Variants in MPP7 observed in about 807,000 individuals in gnomAD.
MPP7 encodes MAGUK p55 scaffold protein 7.
In MPP7, 60 loss-of-function variants were observed where a neutral mutation model predicts 76.5. That is an observed-to-expected ratio of 0.78 (90% CI 0.64 to 0.97). The LOEUF (loss-of-function observed/expected upper bound fraction) is 0.97, where lower values mean the gene tolerates loss of function less well. MPP7 is among the 50% of genes least tolerant of loss of function. The pLI is 0.00. For synonymous variants in MPP7, 237 were observed against 244.5 expected, an observed-to-expected ratio of 0.97 and a Z score of 0.29; for missense variants, 641 against 694.0, an observed-to-expected ratio of 0.92 and a Z score of 0.86.
chr10:28,262,188 TATA>T (rs1564741018), intron 1 of MPP7, among the ~76,000 whole-genome samples: 13 of 888 alleles, frequency 0.015, no homozygotes, highest in Non-Finnish European at 0.027. Flanking sequence ...AAATAAATTA[TATA>T]TATATATATA....
upstream of MPP7, among the ~76,000 whole-genome samples, chr10:28,306,660 T>G (rs1841257918): frequency 7.0e-5 from 2 of 28,752 alleles, no homozygotes; most frequent in South Asian, 3.0e-3. Context: ...AAATAGATGA[T>G]AGATAGATAG....
intron 3 of MPP7, among the ~76,000 whole-genome samples, chr10:28,173,256 G>T (rs2133875412): frequency 6.6e-6 from 1 of 150,862 alleles, no homozygotes; most frequent in Admixed American, 6.6e-5. Context: ...AAAAGAATTT[G>T]AAGGAAAAGA....
intron 3 of MPP7, among the ~76,000 whole-genome samples, chr10:28,153,171 T>G (rs1181593601): frequency 6.6e-6 from 1 of 152,080 alleles, no homozygotes; most frequent in Non-Finnish European, 1.5e-5. Context: ...GAAGAATGGC[T>G]TGAACCCGGA....
Position 28,089,657 on chromosome 10 carries a change from A to G in MPP7, c.1123+14T>C, listed in dbSNP as rs763832949. The G allele has an allele frequency of 6.2e-7, 1 of 1,606,004 alleles. No homozygotes were observed. Among genetic ancestry groups the G allele is most frequent in the South Asian group, 1.1e-5 (1 of 89,660 alleles). On this transcript the variant is annotated intron_variant, in intron 12 of 16. Coordinates refer to ENST00000683449, the MANE Select transcript of MPP7 (RefSeq NM_001318170.2). ...CTCATTTCCTCAGAATTACTCACAG[A>G]AACAAGCACTTACCAACCAAGACAA...
intron 2 of MPP7, among the ~76,000 whole-genome samples, chr10:28,308,857 C>T (rs1049771645): frequency 1.3e-5 from 2 of 152,004 alleles, no homozygotes; most frequent in African/African-American, 4.8e-5. Context: ...TTTCTTTTTA[C>T]ATTTTTCTAT....
intron 1 of MPP7, among the ~76,000 whole-genome samples, chr10:28,253,428 T>A (rs1839681099): frequency 1.3e-5 from 2 of 152,138 alleles, no homozygotes; most frequent in Non-Finnish European, 2.9e-5. Context: ...ATGGACTGAC[T>A]TCTCTGCAGC....
At chr10:28,064,238 T>C (rs571690737) in intron 13 of MPP7, among the ~76,000 whole-genome samples, 1 of 152,180 alleles carries the variant, frequency 6.6e-6, no homozygotes, top group African/African-American at 2.4e-5. Context: ...TTCTATACAA[T>C]GGAATGCTAT....
chr10:28,262,186 TATATATATATATATATATATAC>T (rs1343958131), intron 1 of MPP7, among the ~76,000 whole-genome samples: 352 of 1,292 alleles, frequency 0.27, 43 homozygotes, highest in African/African-American at 0.41. Flanking sequence ...ATAAATAAAT[TATATATATATATATATATATAC>T]ATATATATAT....
chr10:28,166,332 C>T (rs566802662), intron 3 of MPP7, among the ~76,000 whole-genome samples: 2 of 151,934 alleles, frequency 1.3e-5, no homozygotes, highest in East Asian at 3.9e-4. Context: ...CCCTGTGTGC[C>T]CCTTTCCCCT....
At chr10:28,243,865 T>C (rs1302934368) in intron 1 of MPP7, among the ~76,000 whole-genome samples, 1 of 152,246 alleles carries the variant, frequency 6.6e-6, no homozygotes, top group Non-Finnish European at 1.5e-5. Context: ...TTCATAAAAA[T>C]GTTATTTGTG....
intron 3 of MPP7, among the ~76,000 whole-genome samples, chr10:28,172,940 C>G (rs370482914): frequency 1.3e-4 from 20 of 152,228 alleles, no homozygotes; most frequent in East Asian, 7.7e-4. Context: ...CGGACTGTTC[C>G]AGGTGCTTCA....
intron 1 of MPP7, among the ~76,000 whole-genome samples, chr10:28,257,224 A>G (rs72803691): frequency 1.2e-3 from 186 of 152,284 alleles, no homozygotes; most frequent in Non-Finnish European, 2.1e-3. Context: ...TCATGTCATG[A>G]CACGAACTGG....
chr10:28,287,505 T>C (rs2133116646), intron 1 of MPP7, among the ~76,000 whole-genome samples: 1 of 152,340 alleles, frequency 6.6e-6, no homozygotes, highest in Non-Finnish European at 1.5e-5. Context: ...TTAAATCCAT[T>C]GGTCTTTCTT....
intron 3 of MPP7, among the ~76,000 whole-genome samples, chr10:28,177,260 CAAAAAA>C (rs57984876): frequency 7.7e-5 from 8 of 104,176 alleles, no homozygotes; most frequent in Non-Finnish European, 1.1e-4. Context: ...ACTAAAAATG[CAAAAAA>C]AAAAAAAAAA....
chr10:28,196,290 G>T (rs1042091972), intron 3 of MPP7, among the ~76,000 whole-genome samples: 4 of 152,086 alleles, frequency 2.6e-5, no homozygotes. Flanking sequence ...AGACCACCCT[G>T]GCCAACATGG....
chr10:28,285,395 G>A (rs1260196693), intron 1 of MPP7, among the ~76,000 whole-genome samples: 1 of 152,086 alleles, frequency 6.6e-6, no homozygotes, highest in East Asian at 1.9e-4. Flanking sequence ...GTGTTGGTCA[G>A]GCTGGTCTCC....
intron 1 of MPP7, among the ~76,000 whole-genome samples, chr10:28,302,604 G>A (rs1340229948): frequency 6.6e-6 from 1 of 151,756 alleles, no homozygotes; most frequent in Non-Finnish European, 1.5e-5. Context: ...AGTCCCGCGC[G>A]TCAACAGGGG....
chr10:28,118,216 T>C (rs548500363), intron 11 of MPP7: 1 of 985,096 alleles, frequency 1.0e-6, no homozygotes, highest in African/African-American at 1.7e-5. Context: ...CTCACCTTCC[T>C]ATGCATCTAT....
intron 3 of MPP7, among the ~76,000 whole-genome samples, chr10:28,185,417 CTCAATATACCTGACTG>C (rs1837203788): frequency 6.6e-6 from 1 of 152,042 alleles, no homozygotes; most frequent in Non-Finnish European, 1.5e-5. Flanking sequence ...CAGAAAAGTA[CTCAATATACCTGACTG>C]TCCATAACTG....
Sources: allele counts gnomAD v4.1 joint callset (sites outside exome capture counted in the v4.1 genomes callset), GRCh38; gene constraint gnomAD v4.1.1; transcripts MANE v1.5; gene names NCBI Gene and HGNC (gene_info 2026-07-23, HGNC 2026-07-21).